The following ABCA4 variants were observed in gnomAD, a reference collection of about 807,000 sequenced individuals.
ABCA4 encodes ATP binding cassette subfamily A member 4, also known as retinal-specific phospholipid-transporting ATPase ABCA4.
ABCA4 carries 196 observed loss-of-function variants against 263.7 expected under a neutral mutation model. The observed-to-expected ratio is 0.74, with a 90% CI of 0.66 to 0.84. The LOEUF (loss-of-function observed/expected upper bound fraction) is 0.84, where lower values mean the gene tolerates loss of function less well. ABCA4 is among the 40% of genes least tolerant of loss of function. ABCA4 has a pLI of 0.00. For synonymous variants in ABCA4, 1,133 were observed against 1,094.2 expected (o/e 1.04, Z -0.70); for missense variants, 2,792 against 2,855.1 (o/e 0.98, Z 0.50).
chr1:94,083,687 A>G (rs1661762549), intron 6 of ABCA4, among the ~76,000 whole-genome samples: 1 of 152,186 alleles, frequency 6.6e-6, no homozygotes, highest in Non-Finnish European at 1.5e-5. Context: ...AGTTATATTA[A>G]ATACTATCAC....
intron 38 of ABCA4, among the ~76,000 whole-genome samples, chr1:94,012,695 G>A (rs912400396): frequency 1.7e-4 from 26 of 152,220 alleles, no homozygotes; most frequent in African/African-American, 5.8e-4. Flanking sequence ...CCTCTGGCCT[G>A]CAGCATGTTA....
chr1:94,118,734 T>C (rs4147801), intron 1 of ABCA4, among the ~76,000 whole-genome samples: 33,281 of 152,110 alleles, frequency 0.22, 3,766 homozygotes, highest in Middle Eastern at 0.23. Context: ...TCAGCCCGAG[T>C]GGCTCCATCT....
chr1:94,097,920 T>TG (rs1557803084), intron 6 of ABCA4, among the ~76,000 whole-genome samples: 14 of 151,904 alleles, frequency 9.2e-5, no homozygotes, highest in Middle Eastern at 3.4e-3. Context: ...TGGCTAATTT[T>TG]TGTGTGTGTG....
chr1:94,044,808 C>T, intron 19 of ABCA4, 64 bp from the exon 20 acceptor site: 1 of 1,610,310 alleles, frequency 6.2e-7, no homozygotes, highest in South Asian at 1.1e-5. Flanking sequence ...AGGAGGGCCA[C>T]CCCCACACCA....
At chr1:94,024,895 C>T (rs1571260288) in intron 31 of ABCA4, 59 bp downstream of exon 31, 2 of 1,391,386 alleles carry the variant, frequency 1.4e-6, no homozygotes, top group East Asian at 2.3e-5. Context: ...ATCTTCTGTC[C>T]CTAGTTAATA....
chr1:94,111,102 C>T (rs1662587736), intron 3 of ABCA4, among the ~76,000 whole-genome samples: 1 of 152,180 alleles, frequency 6.6e-6, no homozygotes, highest in Non-Finnish European at 1.5e-5. Context: ...GAGTTTTTCT[C>T]CTACAATGAT....
At position 94,080,800 on chromosome 1, in the gene ABCA4, T is replaced by C. The variant is rs533543469; in HGVS notation, c.859-82A>G. 2.1e-5 allele frequency: 33 copies of C among 1,581,506 alleles called. No individual in the cohort carries two copies. The African/African-American group carries it at 3.8e-4, about 18-fold the overall frequency. On this transcript the variant is annotated intron_variant, in intron 7 of 49. Coordinates refer to ENST00000370225, the MANE Select transcript of ABCA4 (RefSeq NM_000350.3). Reference sequence around the variant, plus strand: ...GTGAGGCCAATGCTCCAACGTTTGGTTTGACTTCCACATTTAAAAGAAAAC... The same window carrying C: ...GTGAGGCCAATGCTCCAACGTTTGGCTTGACTTCCACATTTAAAAGAAAAC...
At chr1:94,058,177 T>A (rs1192451722) in intron 14 of ABCA4, among the ~76,000 whole-genome samples, 1 of 152,118 alleles carries the variant, frequency 6.6e-6, no homozygotes, top group Non-Finnish European at 1.5e-5. Flanking sequence ...AGACCCACGC[T>A]TAACTGGAAC....
At chr1:94,004,263 T>C (rs1436876571) in intron 44 of ABCA4, among the ~76,000 whole-genome samples, 1 of 152,238 alleles carries the variant, frequency 6.6e-6, no homozygotes, top group African/African-American at 2.4e-5. Flanking sequence ...TTCCCAGTGC[T>C]ACCTCCGGTT....
At chr1:93,995,398 A>G (rs1658971449) in intron 49 of ABCA4, among the ~76,000 whole-genome samples, 1 of 152,208 alleles carries the variant, frequency 6.6e-6, no homozygotes, top group South Asian at 2.1e-4. Flanking sequence ...TCATCCCTCT[A>G]CAATCCCAGG....
chr1:94,041,062 C>T (rs1660471657), intron 23 of ABCA4, 147 bp downstream of exon 23: 1 of 839,852 alleles, frequency 1.2e-6, no homozygotes. Context: ...AGAATGTGTT[C>T]ATCGAAATCT....
At chr1:94,094,632 C>G (rs886279861) in intron 6 of ABCA4, among the ~76,000 whole-genome samples, 1 of 152,136 alleles carries the variant, frequency 6.6e-6, no homozygotes, top group Admixed American at 6.5e-5. Context: ...TCTTGGCACC[C>G]GCCTCGGTTC....
In ABCA4 at chr1:93,996,103, G is replaced by A. The variant is rs942628802; in HGVS notation, c.6816+6C>T. The A allele has an allele frequency of 8.1e-6, 13 of 1,613,374 alleles. No individual in the cohort carries two copies. In the Middle Eastern group the frequency reaches 8.2e-4, roughly 102 times the overall value. ...AAGCTGTGGACTGCATAAGCAGCAG[G>A]GGTACCTGGGCTTGTCGACTGGCTC... On this transcript the variant is annotated splice_donor_region_variant and intron_variant, in intron 49 of 49. Transcript: ENST00000370225.
chr1:94,005,906 T>C (rs1040455178), intron 43 of ABCA4, among the ~76,000 whole-genome samples: 5 of 152,246 alleles, frequency 3.3e-5, no homozygotes, highest in African/African-American at 1.2e-4. Flanking sequence ...AAATGATTCA[T>C]GATTTATCAA....
chr1:94,081,089 G>A (rs1448697825), intron 7 of ABCA4, among the ~76,000 whole-genome samples: 1 of 152,176 alleles, frequency 6.6e-6, no homozygotes, highest in African/African-American at 2.4e-5. Flanking sequence ...GCCGGACATG[G>A]TGGCGGGCCC....
chr1:94,055,878 C>T (rs1474777910), intron 15 of ABCA4, among the ~76,000 whole-genome samples: 2 of 152,178 alleles, frequency 1.3e-5, no homozygotes, highest in African/African-American at 4.8e-5. Flanking sequence ...AGGTGGTTGT[C>T]CCTTCTTGAC....
chr1:94,027,513 C>CTTGGGTCCTTCTT (rs1368260388), intron 30 of ABCA4, among the ~76,000 whole-genome samples: 4 of 152,170 alleles, frequency 2.6e-5, no homozygotes, highest in African/African-American at 9.7e-5. Flanking sequence ...AGACAAGTTC[C>CTTGGGTCCTTCTT]TTGGGTCCTT....
intron 36 of ABCA4, 96 bp from the exon 37 acceptor site, chr1:94,015,950 G>T: frequency 9.6e-7 from 1 of 1,046,710 alleles, no homozygotes; most frequent in Non-Finnish European, 1.5e-6. Flanking sequence ...CCAGCTCGTA[G>T]GGTCTGGGAT....
At chr1:94,014,203 A>G (rs74636246) in intron 38 of ABCA4, among the ~76,000 whole-genome samples, 13,545 of 126,316 alleles carry the variant, frequency 0.11, 1,246 homozygotes, top group African/African-American at 0.26. Flanking sequence ...GAAAGAAGGA[A>G]GGATGGAGGG....
Sources: allele counts gnomAD v4.1 joint callset (sites outside exome capture counted in the v4.1 genomes callset), GRCh38; gene constraint gnomAD v4.1.1; transcripts MANE v1.5; gene names NCBI Gene and HGNC (gene_info 2026-07-23, HGNC 2026-07-21).